PRKN: variants seen among roughly 807,000 people sequenced by gnomAD.
PRKN encodes the protein parkin RBR E3 ubiquitin protein ligase.
PRKN carries 56 observed loss-of-function variants against 59.5 expected under a neutral mutation model. The ratio of observed to expected loss-of-function variants is 0.94; its 90% CI spans 0.76 to 1.18. The LOEUF is 1.18. Ranked by LOEUF, PRKN falls within the 50% of genes most tolerant of loss-of-function variation. The pLI is 0.00. For synonymous variants in PRKN, 250 were observed against 222.1 expected, an observed-to-expected ratio of 1.13 and a Z score of -1.12; for missense variants, 657 against 596.4, an observed-to-expected ratio of 1.10 and a Z score of -1.06.
At chr6:162,580,931 TA>T (rs1780766493) in intron 1 of PRKN, among the ~76,000 whole-genome samples, 1 of 152,156 alleles carries the variant, frequency 6.6e-6, no homozygotes, top group Non-Finnish European at 1.5e-5. Context: ...CAGTGGCATG[TA>T]CTAAAAATAC....
chr6:162,142,609 G>T (rs1781836469), intron 4 of PRKN, among the ~76,000 whole-genome samples: 1 of 152,054 alleles, frequency 6.6e-6, no homozygotes, highest in Non-Finnish European at 1.5e-5. Context: ...GACCTCAAAA[G>T]GCACTTATAA....
intron 1 of PRKN, among the ~76,000 whole-genome samples, chr6:162,479,824 T>C (rs1390370256): frequency 2.0e-5 from 3 of 151,664 alleles, no homozygotes; most frequent in African/African-American, 4.8e-5. Context: ...TCCAGCACTT[T>C]GGGAGGTCGA....
rs948279891 is a variant in PRKN at position 161,533,897 on chromosome 6, C to T, written c.1083+14957G>A. ...CACTAGTAGGAAGAGAAAAGATAAA[C>T]AGCGATTCCTGTTTTATAAGGTAGG... On this transcript the variant is annotated intron_variant, in intron 9 of 11. Transcript: ENST00000366898. This position sits in a 1 kb window ranked among gnomAD's most constrained non-coding sequence, Gnocchi z 4.1. 2.6e-5 allele frequency among the ~76,000 whole-genome samples: 4 copies of T among 152,134 alleles called. No homozygotes were observed. Among genetic ancestry groups the T allele is most frequent in the Admixed American group, 6.5e-5 (1 of 15,272 alleles).
chr6:161,466,344 T>G lies in PRKN; in HGVS notation c.1084-79467A>C, dbSNP rs1163903567. ...TTTTAGTAATTTTCTTCACTTAGGT[T>G]TTTTTTGATCTCAGCTCTCTGATGG... On this transcript the variant is annotated intron_variant, in intron 9 of 11. Coordinates refer to ENST00000366898, the MANE Select transcript of PRKN (RefSeq NM_004562.3). This position sits in a 1 kb window ranked among gnomAD's most constrained non-coding sequence, Gnocchi z 5.0. Among the ~76,000 whole-genome samples, 3 of 152,206 alleles carry G rather than the reference T, an allele frequency of 2.0e-5. No homozygotes were observed. The highest frequency in any genetic ancestry group is 4.4e-5 in the Non-Finnish European group (3 of 68,032).
intron 9 of PRKN, among the ~76,000 whole-genome samples, chr6:161,435,764 T>C (rs1369302280): frequency 6.7e-6 from 1 of 149,192 alleles, no homozygotes; most frequent in African/African-American, 2.5e-5. Context: ...GGCAGTTGTA[T>C]TTATTTCTGG....
At chr6:161,602,507 A>G (rs11970014) in intron 7 of PRKN, among the ~76,000 whole-genome samples, 2 of 152,154 alleles carry the variant, frequency 1.3e-5, no homozygotes, top group East Asian at 1.9e-4. Flanking sequence ...TAGTCATGCT[A>G]TATTTCCTTA....
intron 5 of PRKN, among the ~76,000 whole-genome samples, chr6:162,050,150 AG>A (rs1267521618): frequency 6.6e-5 from 10 of 152,242 alleles, no homozygotes; most frequent in Non-Finnish European, 4.4e-5. Context: ...CTCCTTTTTT[AG>A]TAATGTTTCC....
chr6:162,540,552 A>G (rs956654745), intron 1 of PRKN, among the ~76,000 whole-genome samples: 6 of 152,110 alleles, frequency 3.9e-5, no homozygotes. Context: ...TCATGTCCGT[A>G]AGCCCAGCAC....
At chr6:161,511,823 GA>G (rs113379330) in intron 9 of PRKN, among the ~76,000 whole-genome samples, 1,796 of 144,028 alleles carry the variant, frequency 0.012, 34 homozygotes, top group African/African-American at 0.038. Context: ...TTGATCTTAG[GA>G]AAAAAAAAAA....
intron 1 of PRKN, among the ~76,000 whole-genome samples, chr6:162,628,169 A>G (rs1307514254): frequency 6.6e-6 from 1 of 152,186 alleles, no homozygotes; most frequent in African/African-American, 2.4e-5. Context: ...CAGAGAAAAA[A>G]GGTCGTTTCT....
intron 6 of PRKN, among the ~76,000 whole-genome samples, chr6:161,962,652 T>G (rs1477623621): frequency 6.6e-6 from 1 of 150,422 alleles, no homozygotes; most frequent in Non-Finnish European, 1.5e-5. Context: ...TTCTCCTAAC[T>G]CAGCCTCCTG....
At chr6:161,380,426 C>CTT (rs977152868) in intron 10 of PRKN, among the ~76,000 whole-genome samples, 1,248 of 117,866 alleles carry the variant, frequency 0.011, 26 homozygotes, top group Non-Finnish European at 0.016. Flanking sequence ...CCAAGTCTAT[C>CTT]TTTTTTTTTT....
chr6:162,251,559 A>C (rs915385130), intron 3 of PRKN, among the ~76,000 whole-genome samples: 4 of 152,214 alleles, frequency 2.6e-5, no homozygotes, highest in Non-Finnish European at 5.9e-5. Context: ...CTTATCTTAA[A>C]TAGTAATACA....
intron 1 of PRKN, among the ~76,000 whole-genome samples, chr6:162,574,162 C>T (rs1780461726): frequency 1.3e-5 from 2 of 152,182 alleles, no homozygotes; most frequent in South Asian, 4.2e-4. Context: ...AACTCTGCAG[C>T]TGGGTCTCCA....
chr6:161,809,288 G>C (rs905484159), intron 6 of PRKN, among the ~76,000 whole-genome samples: 13 of 80,908 alleles, frequency 1.6e-4, no homozygotes, highest in Non-Finnish European at 2.9e-4. Flanking sequence ...CAGAAATCCC[G>C]AGTCCTGAGG....
At chr6:161,802,968 T>G (rs1791152588) in intron 6 of PRKN, among the ~76,000 whole-genome samples, 1 of 151,860 alleles carries the variant, frequency 6.6e-6, no homozygotes, top group Non-Finnish European at 1.5e-5. Flanking sequence ...AAACAGGTGA[T>G]GTGAGAAGGG....
At chr6:162,636,009 T>G (rs937216610) in intron 1 of PRKN, among the ~76,000 whole-genome samples, 1 of 152,124 alleles carries the variant, frequency 6.6e-6, no homozygotes, top group Non-Finnish European at 1.5e-5. Flanking sequence ...CATCCTTGGG[T>G]TAAGGAATTC....
intron 4 of PRKN, among the ~76,000 whole-genome samples, chr6:162,149,803 G>T (rs1782187076): frequency 6.6e-6 from 1 of 152,156 alleles, no homozygotes; most frequent in East Asian, 1.9e-4. Context: ...TAACGTGGAA[G>T]GGCGAAGGCA....
intron 1 of PRKN, among the ~76,000 whole-genome samples, chr6:162,596,761 G>C (rs765725859): frequency 4.6e-5 from 7 of 152,060 alleles, no homozygotes; most frequent in Non-Finnish European, 1.0e-4. Context: ...ATATTGAGAG[G>C]CATGGTTTTA....
Sources: gnomAD v4.1 joint callset for allele counts (sites outside exome capture counted in the v4.1 genomes callset) on GRCh38, gnomAD v4.1.1 for gene constraint, Gnocchi (gnomAD v3.1) non-coding constraint, MANE v1.5 for transcripts, NCBI Gene and HGNC (gene_info 2026-07-23, HGNC 2026-07-21) for gene names.